The following ST6GALNAC3 variants were observed in gnomAD, a reference collection of about 807,000 sequenced individuals.
ST6GALNAC3 encodes the protein ST6 N-acetylgalactosaminide alpha-2,6-sialyltransferase 3.
Under a neutral mutation model 32.7 loss-of-function variants are expected in ST6GALNAC3, and 25 were observed. The ratio of observed to expected loss-of-function variants is 0.76; its 90% CI spans 0.56 to 1.07. The LOEUF is 1.07. Ranked by LOEUF, ST6GALNAC3 falls within the 50% of genes least tolerant of loss-of-function variation. The probability of loss-of-function intolerance (pLI) is 0.00; values close to 1 mark genes in which losing one functional copy is unlikely to be tolerated. For missense variants in ST6GALNAC3, 355 were observed against 382.4 expected, an observed-to-expected ratio of 0.93 and a Z score of 0.60; for synonymous variants, 129 against 133.1, an observed-to-expected ratio of 0.97 and a Z score of 0.21.
rs563388666 is a variant in ST6GALNAC3 at position 76,327,113 on chromosome 1, C to T, written c.213+13114C>T. The stretch of plus-strand genomic sequence containing the variant: ...GAGTTTTTATCAGATGACTTCCTGG[C>T]ATCTATTGAAATGACTGGATGATTT... On this transcript the variant is annotated intron_variant, in intron 2 of 4. Transcript: ENST00000328299. 6.6e-5 allele frequency among the ~76,000 whole-genome samples: 10 copies of T among 152,190 alleles called. No individual in the cohort carries two copies. The South Asian group carries it at 2.1e-3, about 32-fold the overall frequency.
At chr1:76,326,020 A>G (rs2100939496) in intron 2 of ST6GALNAC3, among the ~76,000 whole-genome samples, 1 of 152,186 alleles carries the variant, frequency 6.6e-6, no homozygotes, top group African/African-American at 2.4e-5. Flanking sequence ...TATTTGCATA[A>G]TAATGCTGTG....
intron 2 of ST6GALNAC3, among the ~76,000 whole-genome samples, chr1:76,380,969 T>G: frequency 6.6e-6 from 1 of 151,882 alleles, no homozygotes; most frequent in Admixed American, 6.6e-5. Flanking sequence ...GTCACCATGG[T>G]AGTAGTTTTT....
At chr1:76,276,027 C>T (rs1659113636) in intron 1 of ST6GALNAC3, among the ~76,000 whole-genome samples, 1 of 152,116 alleles carries the variant, frequency 6.6e-6, no homozygotes, top group Admixed American at 6.5e-5. Flanking sequence ...TTTATATTTG[C>T]AACCCACATC....
intron 3 of ST6GALNAC3, among the ~76,000 whole-genome samples, chr1:76,554,667 T>A (rs1664819342): frequency 6.6e-6 from 1 of 152,248 alleles, no homozygotes; most frequent in African/African-American, 2.4e-5. Context: ...TTTATACTTA[T>A]CAGAAGAAAG....
intron 3 of ST6GALNAC3, among the ~76,000 whole-genome samples, chr1:76,481,197 A>G (rs1157125031): frequency 3.3e-5 from 5 of 152,188 alleles, no homozygotes; most frequent in Non-Finnish European, 7.4e-5. Flanking sequence ...TTAAATCCAC[A>G]TTCATCAAGA....
intron 3 of ST6GALNAC3, among the ~76,000 whole-genome samples, chr1:76,419,448 G>A (rs1654876896): frequency 6.6e-6 from 1 of 152,062 alleles, no homozygotes; most frequent in African/African-American, 2.4e-5. Flanking sequence ...ATTTTATACA[G>A]GCTTTAAAGG....
intron 1 of ST6GALNAC3, among the ~76,000 whole-genome samples, chr1:76,090,121 CA>C (rs1194490598): frequency 2.0e-5 from 3 of 152,118 alleles, no homozygotes; most frequent in Non-Finnish European, 2.9e-5. Flanking sequence ...CTGTCTGACC[CA>C]AAATACCTTG....
At chr1:76,255,090 C>CTTTGATT (rs1657844537) in intron 1 of ST6GALNAC3, among the ~76,000 whole-genome samples, 1 of 150,810 alleles carries the variant, frequency 6.6e-6, no homozygotes, top group African/African-American at 2.4e-5. Context: ...GCACCTAGCA[C>CTTTGATT]AAGTGACACC....
chr1:76,413,030 CA>C, intron 3 of ST6GALNAC3: 6 of 320,684 alleles, frequency 1.9e-5, no homozygotes, highest in South Asian at 2.6e-5. Flanking sequence ...TTCAATTATC[CA>C]AAAACCAATT....
chr1:76,373,753 A>G (rs1001835995), intron 2 of ST6GALNAC3, among the ~76,000 whole-genome samples: 9 of 152,214 alleles, frequency 5.9e-5, no homozygotes, highest in African/African-American at 2.2e-4. Flanking sequence ...TGTGATAGCT[A>G]AATGTTTGCT....
intron 1 of ST6GALNAC3, among the ~76,000 whole-genome samples, chr1:76,274,969 C>T (rs564682023): frequency 2.6e-5 from 4 of 152,114 alleles, no homozygotes; most frequent in Non-Finnish European, 5.9e-5. Flanking sequence ...AAATGGAGCC[C>T]AGGGTTCTGC....
chr1:76,510,034 G>A (rs79870912), intron 3 of ST6GALNAC3, among the ~76,000 whole-genome samples: 45 of 152,262 alleles, frequency 3.0e-4, no homozygotes, highest in Admixed American at 8.5e-4. Context: ...TCAGCCTGAC[G>A]GTGACAGAAA....
At chr1:76,560,587 C>G (rs1464992177) in intron 3 of ST6GALNAC3, among the ~76,000 whole-genome samples, 1 of 152,138 alleles carries the variant, frequency 6.6e-6, no homozygotes, top group African/African-American at 2.4e-5. Context: ...AAGTAGTGCT[C>G]AACATCGCTG....
chr1:76,191,320 A>G (rs1374677343), intron 1 of ST6GALNAC3, among the ~76,000 whole-genome samples: 1 of 152,108 alleles, frequency 6.6e-6, no homozygotes, highest in Non-Finnish European at 1.5e-5. Context: ...AATTGATATC[A>G]TAGAAACAAA....
At chr1:76,089,055 G>A (rs1421485465) in intron 1 of ST6GALNAC3, among the ~76,000 whole-genome samples, 1 of 152,056 alleles carries the variant, frequency 6.6e-6, no homozygotes, top group Non-Finnish European at 1.5e-5. Context: ...TTGAGGTGGA[G>A]TCTCGCTCTG....
intron 2 of ST6GALNAC3, among the ~76,000 whole-genome samples, chr1:76,392,775 A>G (rs1652664698): frequency 6.6e-6 from 1 of 152,228 alleles, no homozygotes; most frequent in Admixed American, 6.5e-5. Context: ...GCAAGGGTCA[A>G]CTGGCCAAAA....
At chr1:76,225,823 G>A (rs1399670102) in intron 1 of ST6GALNAC3, among the ~76,000 whole-genome samples, 5 of 152,092 alleles carry the variant, frequency 3.3e-5, no homozygotes. Flanking sequence ...TTGAAAAGAG[G>A]CATTTTAAGA....
intron 3 of ST6GALNAC3, among the ~76,000 whole-genome samples, chr1:76,504,169 T>C (rs1661338862): frequency 6.6e-6 from 1 of 152,184 alleles, no homozygotes; most frequent in African/African-American, 2.4e-5. Flanking sequence ...AGGCAATGTG[T>C]CCCATGCCTT....
At chr1:76,219,910 A>C (rs959290604) in intron 1 of ST6GALNAC3, among the ~76,000 whole-genome samples, 3 of 152,112 alleles carry the variant, frequency 2.0e-5, no homozygotes, top group African/African-American at 7.2e-5. Flanking sequence ...TGGTTTCCTG[A>C]GTTGCTGCAG....
Sources: gnomAD v4.1 joint callset for allele counts (sites outside exome capture counted in the v4.1 genomes callset) on GRCh38, gnomAD v4.1.1 for gene constraint, MANE v1.5 for transcripts, NCBI Gene and HGNC (gene_info 2026-07-23, HGNC 2026-07-21) for gene names.